Variants in ACAT1 observed in about 807,000 individuals in gnomAD.
ACAT1 encodes acetyl-CoA acetyltransferase, mitochondrial.
In ACAT1, 28 loss-of-function variants were observed where a neutral mutation model predicts 47.3. The observed-to-expected ratio is 0.59, with a 90% CI of 0.44 to 0.81. ACAT1 has a LOEUF of 0.81. ACAT1 is among the 30% of genes least tolerant of loss of function. The pLI is 0.00. For synonymous variants in ACAT1, 181 were observed against 173.6 expected (o/e 1.04, Z -0.34); for missense variants, 469 against 524.3 (o/e 0.89, Z 1.03).
chr11:108,132,463 T>C (rs995547920), intron 2 of ACAT1, among the ~76,000 whole-genome samples: 1 of 152,150 alleles, frequency 6.6e-6, no homozygotes, highest in African/African-American at 2.4e-5. Flanking sequence ...GGAAGACAAG[T>C]GTAAGGAGAG....
chr11:108,144,847 C>T lies in ACAT1; in HGVS notation c.1005+800C>T, dbSNP rs115984931. ...CAGCTTCTGAAAGTGAGTAACATCA[C>T]GTTGGAAAGCAAGGGTAATAAACAA... On this transcript the variant is annotated intron_variant, in intron 10 of 11. Transcript: ENST00000265838. Among the ~76,000 whole-genome samples the T allele has an allele frequency of 9.5e-3, 1,450 of 152,134 alleles. 32 individuals carry two copies. The highest frequency in any genetic ancestry group is 0.033 in the African/African-American group (1,357 of 41,476).
chr11:108,141,303 T>G (rs964367995), intron 7 of ACAT1, among the ~76,000 whole-genome samples: 1 of 134,874 alleles, frequency 7.4e-6, no homozygotes, highest in African/African-American at 2.9e-5. Context: ...GAGGATCACA[T>G]GGGCCTGGAG....
upstream of ACAT1, among the ~76,000 whole-genome samples, chr11:108,118,869 A>T (rs1176401695): frequency 1.3e-5 from 2 of 152,222 alleles, no homozygotes; most frequent in Admixed American, 6.5e-5. Context: ...CCTGATGAAC[A>T]TAGTGGCACT....
Position 108,142,528 on chromosome 11 carries a change from T to A in ACAT1, c.918T>A (p.Val306=), listed in dbSNP as rs200318899. 84 of 1,614,140 alleles carry A rather than the reference T, an allele frequency of 5.2e-5. No homozygotes were observed. Among genetic ancestry groups the A allele is most frequent in the Non-Finnish European group, 6.4e-5 (76 of 1,180,002 alleles). ...CAGATGCAGCGAAGAGGCTCAATGT[T>A]ACACCACTGGCAAGAATAGTAGGTA... ...MTADAAKRLN[V]TPLARIVAFA... Residue 306 remains valine (V), a synonymous_variant, in exon 9 of 12, where the codon GTT becomes GTA. Transcript: ENST00000265838.
At chr11:108,143,843 C>T (rs1030683879) in intron 9 of ACAT1, 140 bp from the exon 10 acceptor site, 1 of 710,574 alleles carries the variant, frequency 1.4e-6, no homozygotes, top group Non-Finnish European at 2.0e-6. Flanking sequence ...GTGTAGAATC[C>T]TAGAAAAGGA....
chr11:108,126,738 T>A (rs11212515), intron 1 of ACAT1, among the ~76,000 whole-genome samples: 41,043 of 150,600 alleles, frequency 0.27, 6,840 homozygotes, highest in Middle Eastern at 0.54. Context: ...AAGGGAAGGA[T>A]GAAGGATGAT....
At chr11:108,121,878 C>G (rs969487219) in intron 1 of ACAT1, 200 bp downstream of exon 1, 2 of 607,788 alleles carry the variant, frequency 3.3e-6, no homozygotes, top group Non-Finnish European at 5.8e-6. Flanking sequence ...TTTTACAGCG[C>G]GTTTCTACTT....
intron 10 of ACAT1, among the ~76,000 whole-genome samples, chr11:108,145,446 TC>T (rs1236877598): frequency 4.1e-5 from 6 of 147,308 alleles, no homozygotes; most frequent in African/African-American, 7.5e-5. Flanking sequence ...GGGAGGCAGA[TC>T]GCTTGAGCCT....
Position 108,140,161 on chromosome 11 carries a change from T to G in ACAT1, c.676T>G (p.Trp226Gly). The G allele has an allele frequency of 6.2e-7, 1 of 1,614,162 alleles. No homozygotes were observed. The highest frequency in any genetic ancestry group is 8.5e-7 in the Non-Finnish European group (1 of 1,180,022). ...TTCTTATACCAGAAGTAAAGCAGCA[T>G]GGGAAGCTGGGAAATTTGGAAATGA... Reference protein sequence around the residue: ...INSYTRSKAAWEAGKFGNEVI... With the variant: ...INSYTRSKAAGEAGKFGNEVI... The change falls in exon 7 of 12, where the codon TGG (tryptophan) becomes GGG (glycine). Residue 226 changes from tryptophan to glycine, a missense_variant. Physicochemically the swap from Trp to Gly is radical, Grantham distance 184. Transcript: ENST00000265838.
rs7931681 is a variant in ACAT1 at position 108,134,071 on chromosome 11, A to C, written c.238+134A>C. 298,255 of 1,152,682 alleles carry C rather than the reference A, an allele frequency of 0.26. 41,078 individuals carry two copies. The highest frequency in any genetic ancestry group is 0.53 in the East Asian group (21,847 of 41,080). The allele number at this position is 1,152,682 out of a possible 1,614,324, so 71.4% of individuals were successfully genotyped here. ...ACATTTCTGCTTTCCCTTGTAAAGA[A>C]GTCTTTGTACTATACAGTTTAGATT... is the stretch of plus-strand genomic sequence containing the variant. On this transcript the variant is annotated intron_variant, in intron 3 of 11. Coordinates refer to ENST00000265838, the MANE Select transcript of ACAT1 (RefSeq NM_000019.4).
intron 3 of ACAT1, 69 bp from the exon 4 acceptor site, chr11:108,134,152 C>G: frequency 7.1e-7 from 1 of 1,406,720 alleles, no homozygotes; most frequent in Non-Finnish European, 1.0e-6. Context: ...TGTCACCTAC[C>G]TTATTAGGTA....
chr11:108,134,228 A>G lies in ACAT1; in HGVS notation c.246A>G (p.Pro82=), dbSNP rs1288523632. Residue 82 remains proline (P), a synonymous_variant, in exon 4 of 12, where the codon CCA becomes CCG. Coordinates refer to ENST00000265838, the MANE Select transcript of ACAT1 (RefSeq NM_000019.4). ...IQGAIEKAGI[P]KEEVKEAYMG... The stretch of plus-strand genomic sequence containing the variant: ...TTTTTTTTTTTAATAAAGGGATTCC[A>G]AAAGAAGAAGTGAAAGAAGCATACA... The G allele has an allele frequency of 6.2e-7, 1 of 1,612,260 alleles. No individual in the cohort carries two copies. Among genetic ancestry groups the G allele is most frequent in the Non-Finnish European group, 8.5e-7 (1 of 1,179,362 alleles).
upstream of ACAT1, among the ~76,000 whole-genome samples, chr11:108,120,348 A>T (rs184561561): frequency 4.2e-4 from 64 of 152,128 alleles, 1 homozygote; most frequent in Admixed American, 2.2e-3. Flanking sequence ...AATAAAAATT[A>T]AAAAAATTAG....
intron 1 of ACAT1, among the ~76,000 whole-genome samples, chr11:108,127,673 G>T (rs1023837964): frequency 6.6e-6 from 1 of 152,226 alleles, no homozygotes. Flanking sequence ...GCACTTGGAG[G>T]TTGGAAGGGG....
In ACAT1 at chr11:108,134,313, G is replaced by C; in HGVS notation, c.331G>C (p.Ala111Pro). ...TCCTACAAGGCAGGCAGTATTGGGT[G>C]CAGGTACCTGGAAGACTTTTTTGCT... ...QAPTRQAVLGAGLPISTPCTT... is the reference protein window; with the variant it reads ...QAPTRQAVLGPGLPISTPCTT... The change falls in exon 4 of 12, where the codon GCA becomes CCA. Residue 111 changes from alanine to proline, a missense_variant. Ala to Pro is a conservative substitution (Grantham distance 27, BLOSUM62 -1). Transcript: ENST00000265838. The C allele has an allele frequency of 6.2e-7, 1 of 1,613,080 alleles. No individual in the cohort carries two copies. Among genetic ancestry groups the C allele is most frequent in the Non-Finnish European group, 8.5e-7 (1 of 1,179,348 alleles).
At chr11:108,139,224 T>A in intron 6 of ACAT1, 183 bp downstream of exon 6, 1 of 721,678 alleles carries the variant, frequency 1.4e-6, no homozygotes, top group Non-Finnish European at 2.3e-6. Flanking sequence ...ATTAAAGAAA[T>A]TTTCCCACAT....
chr11:108,124,164 G>A (rs1023009341), intron 1 of ACAT1, among the ~76,000 whole-genome samples: 12 of 152,170 alleles, frequency 7.9e-5, no homozygotes, highest in Admixed American at 1.3e-4. Flanking sequence ...TGTGGTTCCC[G>A]CTTCTGCTGG....
chr11:108,138,408 TTTTTC>T (rs1252812801), intron 5 of ACAT1, among the ~76,000 whole-genome samples: 3 of 151,678 alleles, frequency 2.0e-5, no homozygotes, highest in Admixed American at 6.6e-5. Context: ...ACTTTTTTTT[TTTTTC>T]TTTTGAGGAG....
At chr11:108,134,610 C>T (rs1023812725) in intron 4 of ACAT1, among the ~76,000 whole-genome samples, 1 of 139,876 alleles carries the variant, frequency 7.1e-6, no homozygotes, top group Non-Finnish European at 1.5e-5. Flanking sequence ...TGCACTCCAA[C>T]CTGGGCGACA....
Sources: gnomAD v4.1 joint callset for allele counts (sites outside exome capture counted in the v4.1 genomes callset) on GRCh38, gnomAD v4.1.1 for gene constraint, MANE v1.5 for transcripts, NCBI Gene and HGNC (gene_info 2026-07-23, HGNC 2026-07-21) for gene names.